The following MAF variants were observed in gnomAD, a reference collection of about 807,000 sequenced individuals.
MAF encodes transcription factor Maf.
Under a neutral mutation model 22.0 loss-of-function variants are expected in MAF, and 10 were observed. The observed-to-expected ratio is 0.45, with a 90% CI of 0.28 to 0.77. The LOEUF (loss-of-function observed/expected upper bound fraction) is 0.77. Among genes scored for constraint, MAF ranks in the 30% least tolerant of loss-of-function variants. The pLI is 0.12. For synonymous variants in MAF, 337 were observed against 255.8 expected (o/e 1.32, Z -3.03); for missense variants, 544 against 548.4 (o/e 0.99, Z 0.08).
At chr16:79,470,134 G>C in the MAF span, among the ~76,000 whole-genome samples, 87 of 152,322 alleles carry the variant, frequency 5.7e-4, no homozygotes, top group Admixed American at 1.6e-3. Context: ...CATTTTTCCG[G>C]GATGTGCTTA....
At chr16:79,501,974 G>C in the MAF span, among the ~76,000 whole-genome samples, 1 of 152,124 alleles carries the variant, frequency 6.6e-6, no homozygotes, top group Non-Finnish European at 1.5e-5. Context: ...TGGCTGTGAG[G>C]TATTATTCCC....
the MAF span, among the ~76,000 whole-genome samples, chr16:79,413,836 A>C: frequency 2.6e-5 from 4 of 152,186 alleles, no homozygotes; most frequent in Non-Finnish European, 4.4e-5. Flanking sequence ...GGTAAAGCAC[A>C]TTATGATAAC....
the MAF span, among the ~76,000 whole-genome samples, chr16:79,219,064 A>C: frequency 2.0e-5 from 3 of 152,202 alleles, no homozygotes; most frequent in Non-Finnish European, 4.4e-5. Flanking sequence ...CTTGCCTCTA[A>C]GCTGATCTGT....
the MAF span, among the ~76,000 whole-genome samples, chr16:79,224,816 G>C: frequency 6.6e-6 from 1 of 152,142 alleles, no homozygotes; most frequent in South Asian, 2.1e-4. Context: ...GATTATGAAA[G>C]ACCTCTTCAA....
the MAF span, among the ~76,000 whole-genome samples, chr16:79,316,870 A>G: frequency 1.8e-4 from 27 of 152,160 alleles, no homozygotes; most frequent in Non-Finnish European, 3.1e-4. Flanking sequence ...AAAGAGGGTG[A>G]GGTTGGAGAA....
chr16:79,223,390 A>G, the MAF span, among the ~76,000 whole-genome samples: 1 of 152,198 alleles, frequency 6.6e-6, no homozygotes, highest in East Asian at 1.9e-4. Context: ...TATAGCACTA[A>G]ATGCCCACAA....
chr16:79,222,638 C>T, the MAF span, among the ~76,000 whole-genome samples: 22 of 152,166 alleles, frequency 1.4e-4, no homozygotes, highest in East Asian at 2.9e-3. Flanking sequence ...ACCCATCTCA[C>T]GTGCAGAGAC....
the MAF span, among the ~76,000 whole-genome samples, chr16:79,279,650 C>A: frequency 1.3e-5 from 2 of 152,272 alleles, no homozygotes; most frequent in Non-Finnish European, 2.9e-5. Flanking sequence ...AAGTGTGAAC[C>A]CCCAGAGGGC....
chr16:79,278,621 G>C, the MAF span, among the ~76,000 whole-genome samples: 3 of 152,208 alleles, frequency 2.0e-5, no homozygotes, highest in South Asian at 4.1e-4. Context: ...GTCTGAAAGC[G>C]CAAGAGCTGT....
At chr16:79,596,617 A>C in intron 1 of MAF, 1 of 1,038,854 alleles carries the variant, frequency 9.6e-7, no homozygotes, top group Non-Finnish European at 1.2e-6. Flanking sequence ...GCACAGCAAA[A>C]TATGTAAAAG....
At chr16:79,274,588 G>A in the MAF span, among the ~76,000 whole-genome samples, 1 of 152,196 alleles carries the variant, frequency 6.6e-6, no homozygotes. Flanking sequence ...GGACCCTACT[G>A]TATAGCCCGG....
the MAF span, among the ~76,000 whole-genome samples, chr16:79,519,566 A>G: frequency 8.6e-5 from 13 of 151,998 alleles, no homozygotes; most frequent in Admixed American, 7.9e-4. Flanking sequence ...GCAGTACAAA[A>G]CCCAGTTCCT....
At chr16:79,431,985 G>A in the MAF span, among the ~76,000 whole-genome samples, 1 of 152,032 alleles carries the variant, frequency 6.6e-6, no homozygotes, top group Non-Finnish European at 1.5e-5. Flanking sequence ...TTCCCTAGAT[G>A]CCTAAAACCA....
the MAF span, among the ~76,000 whole-genome samples, chr16:79,398,780 T>C: frequency 2.0e-5 from 3 of 152,202 alleles, no homozygotes; most frequent in African/African-American, 7.2e-5. Flanking sequence ...GGCATTCTCT[T>C]ACTCATTTTT....
chr16:79,278,624 A>G, the MAF span, among the ~76,000 whole-genome samples: 1 of 152,030 alleles, frequency 6.6e-6, no homozygotes, highest in Non-Finnish European at 1.5e-5. Context: ...TGAAAGCGCA[A>G]GAGCTGTTTC....
chr16:79,248,768 T>C, the MAF span, among the ~76,000 whole-genome samples: 3 of 150,348 alleles, frequency 2.0e-5, no homozygotes, highest in South Asian at 2.1e-4. Context: ...CCTAGATTGT[T>C]TGAAATTAAC....
chr16:79,320,769 C>T, the MAF span, among the ~76,000 whole-genome samples: 1 of 152,158 alleles, frequency 6.6e-6, no homozygotes, highest in East Asian at 1.9e-4. Context: ...GGGCTTGGCA[C>T]TTAATAAATA....
the MAF span, among the ~76,000 whole-genome samples, chr16:79,538,831 AAAG>A: frequency 7.5e-6 from 1 of 133,928 alleles, no homozygotes; most frequent in East Asian, 2.1e-4. Flanking sequence ...GTCTCGAAAG[AAAG>A]AAGGAAAGAA....
the MAF span, among the ~76,000 whole-genome samples, chr16:79,354,994 C>G: frequency 6.7e-6 from 1 of 149,152 alleles, no homozygotes. Flanking sequence ...GTTTGGGAGA[C>G]AGTCAGAAAT....
Sources: allele counts gnomAD v4.1 joint callset (sites outside exome capture counted in the v4.1 genomes callset), GRCh38; gene constraint gnomAD v4.1.1; transcripts MANE v1.5; gene names NCBI Gene and HGNC (gene_info 2026-07-23, HGNC 2026-07-21).